The following GASK1B variants were observed in gnomAD, a reference collection of about 807,000 sequenced individuals.
GASK1B encodes the protein golgi associated kinase 1B, also known as Golgi-associated kinase 1B.
In GASK1B, 34 loss-of-function variants were observed where a neutral mutation model predicts 42.8. The observed-to-expected ratio is 0.79, with a 90% CI of 0.60 to 1.06. The LOEUF is 1.06. Ranked by LOEUF, GASK1B falls within the 50% of genes least tolerant of loss-of-function variation. The probability of loss-of-function intolerance (pLI) is 0.00; values close to 1 mark genes in which losing one functional copy is unlikely to be tolerated. For missense variants in GASK1B, 686 were observed against 661.0 expected (o/e 1.04, Z -0.42); for synonymous variants, 262 against 259.1 (o/e 1.01, Z -0.11).
At position 158,170,695 on chromosome 4, in the gene GASK1B, CA is replaced by C. The variant is rs1247505517; in HGVS notation, c.680del (p.Leu227TrpfsTer48). On this transcript the variant is annotated frameshift_variant, in exon 2 of 5. Transcript: ENST00000585682. LOFTEE classifies it high-confidence loss of function. ...GGAGCCCTGCCACTGCGCTGTCCGC[CA>C]AGAGTCGCATTCTTCGGATGTCATC... ...SKDDIRRMRL[L>X]ADSAVAGLRP... is the part of the protein sequence containing the mutation. 1.9e-6 allele frequency: 3 copies of C among 1,614,200 alleles called. No homozygotes were observed. Among genetic ancestry groups the C allele is most frequent in the Non-Finnish European group, 8.5e-7 (1 of 1,180,044 alleles).
chr4:158,151,501 C>T (rs866481152), intron 3 of GASK1B, among the ~76,000 whole-genome samples: 1 of 152,120 alleles, frequency 6.6e-6, no homozygotes, highest in Non-Finnish European at 1.5e-5. Context: ...AAGACTATTC[C>T]TCATACCTCA....
intron 3 of GASK1B, among the ~76,000 whole-genome samples, chr4:158,149,923 CT>C (rs745441423): frequency 3.9e-4 from 26 of 67,178 alleles, no homozygotes; most frequent in African/African-American, 1.2e-3. Flanking sequence ...CTGCATGCTG[CT>C]TTTTTTTTTT....
At position 158,145,305 on chromosome 4, in the gene GASK1B, C is replaced by A. The variant is rs186564991; in HGVS notation, c.1125+10306G>T. ...AATTCATTAGATTCAGGAAATAATTCTTTAGAAGTCAGGTAAGAATTAGGA... is the reference window on the plus strand; with the variant it reads ...AATTCATTAGATTCAGGAAATAATTATTTAGAAGTCAGGTAAGAATTAGGA... On this transcript the variant is annotated intron_variant, in intron 3 of 4. Coordinates refer to ENST00000585682, the MANE Select transcript of GASK1B (RefSeq NM_001128424.2). Among the ~76,000 whole-genome samples, 40 of 152,208 alleles carry A rather than the reference C, an allele frequency of 2.6e-4. No homozygotes were observed. In the East Asian group the frequency reaches 7.2e-3, roughly 27 times the overall value.
intron 3 of GASK1B, among the ~76,000 whole-genome samples, chr4:158,146,291 T>A (rs978605566): frequency 2.0e-5 from 3 of 152,122 alleles, no homozygotes; most frequent in Non-Finnish European, 4.4e-5. Context: ...TCAAAAATAA[T>A]TAAAACTTAA....
chr4:158,132,585 T>C (rs1408728101), intron 3 of GASK1B, among the ~76,000 whole-genome samples: 2 of 152,206 alleles, frequency 1.3e-5, no homozygotes, highest in African/African-American at 4.8e-5. Context: ...AGGACTTTCT[T>C]CTCTGTTTAC....
At chr4:158,136,113 G>C (rs139575131) in intron 3 of GASK1B, among the ~76,000 whole-genome samples, 1 of 152,262 alleles carries the variant, frequency 6.6e-6, no homozygotes, top group Non-Finnish European at 1.5e-5. Context: ...ATCTCATCAT[G>C]AACTGGTATA....
At chr4:158,168,795 TTCA>T (rs1184491331) in intron 2 of GASK1B, 2 of 151,690 alleles carry the variant, frequency 1.3e-5, no homozygotes, top group African/African-American at 4.9e-5. Context: ...TACACAGGAG[TTCA>T]TCTTCTCCTC....
chr4:158,170,920 C>A lies in GASK1B; in HGVS notation c.456G>T (p.Pro152=). The A allele has an allele frequency of 1.9e-6, 3 of 1,614,192 alleles. No individual in the cohort carries two copies. The highest frequency in any genetic ancestry group is 2.5e-6 in the Non-Finnish European group (3 of 1,180,044). ...CATCAGCTTCCCTTGCCGCTTCCTG[C>A]GGCTGAAGGGATGGTCCGACCAAAG... ...QEALVGPSLQ[P]QEAAREADAV... The change falls in exon 2 of 5, where the codon CCG becomes CCT. Residue 152 remains proline, a synonymous_variant. Coordinates refer to ENST00000585682, the MANE Select transcript of GASK1B (RefSeq NM_001128424.2).
intron 1 of GASK1B, chr4:158,172,437 G>A (rs1399258157): frequency 6.6e-6 from 1 of 152,110 alleles, no homozygotes; most frequent in African/African-American, 2.4e-5. Context: ...CATATTTCAT[G>A]GTCAAGAGTG....
chr4:158,167,435 G>A (rs1358521491), intron 2 of GASK1B, among the ~76,000 whole-genome samples: 2 of 152,162 alleles, frequency 1.3e-5, no homozygotes, highest in African/African-American at 4.8e-5. Flanking sequence ...TTCCTTATGA[G>A]ATCCTCCAGG....
chr4:158,131,346 C>T (rs1437284441), intron 3 of GASK1B, among the ~76,000 whole-genome samples: 1 of 152,202 alleles, frequency 6.6e-6, no homozygotes, highest in African/African-American at 2.4e-5. Context: ...GCAGAAGAAA[C>T]ACCATTGTAC....
At chr4:158,142,577 T>C (rs1731178068) in intron 3 of GASK1B, among the ~76,000 whole-genome samples, 1 of 152,208 alleles carries the variant, frequency 6.6e-6, no homozygotes, top group Admixed American at 6.5e-5. Context: ...AACTAATAAA[T>C]GAAGAATCAA....
Position 158,171,028 on chromosome 4 carries a change from G to T in GASK1B, c.348C>A (p.Ser116Arg). ...VVYITLRSKR[S>R]KPANIRGTVK... The stretch of plus-strand genomic sequence containing the variant: ...CGGTGCCACGGATATTGGCCGGCTT[G>T]CTGCGCTTGGAGCGTAGGGTAATGT... The change falls in exon 2 of 5, where the codon AGC becomes AGA. Residue 116 changes from serine (S) to arginine (R), a missense_variant. Coordinates refer to ENST00000585682, the MANE Select transcript of GASK1B (RefSeq NM_001128424.2). The T allele has an allele frequency of 6.2e-7, 1 of 1,613,978 alleles. No individual in the cohort carries two copies. Among genetic ancestry groups the T allele is most frequent in the Non-Finnish European group, 8.5e-7 (1 of 1,179,856 alleles).
intron 3 of GASK1B, among the ~76,000 whole-genome samples, chr4:158,136,938 T>C (rs1359953595): frequency 2.0e-5 from 3 of 152,192 alleles, no homozygotes; most frequent in East Asian, 3.8e-4. Flanking sequence ...CTGCTGAAAG[T>C]TGGCACCCAC....
chr4:158,126,591 C>A lies in GASK1B; in HGVS notation c.*816G>T, dbSNP rs901896234. 6.6e-6 allele frequency: 1 copy of A among 151,922 alleles called. No homozygotes were observed. The highest frequency in any genetic ancestry group is 1.5e-5 in the Non-Finnish European group (1 of 67,954). 9.4% of individuals were successfully genotyped at this position (151,922 alleles called of 1,614,324 possible). On this transcript the variant is annotated 3_prime_UTR_variant, in exon 5 of 5. Transcript: ENST00000585682. ...AAAAGTAACAAAATTTTTAAAGAGA[C>A]ATCCATTTTAAAATGATACTCTGTA...
At chr4:158,146,307 G>A (rs1449813950) in intron 3 of GASK1B, among the ~76,000 whole-genome samples, 3 of 151,926 alleles carry the variant, frequency 2.0e-5, no homozygotes, top group Non-Finnish European at 4.4e-5. Flanking sequence ...CTTAATAGGC[G>A]AAGGCCTATA....
At chr4:158,133,639 G>A (rs1374286695) in intron 3 of GASK1B, among the ~76,000 whole-genome samples, 1 of 152,160 alleles carries the variant, frequency 6.6e-6, no homozygotes, top group Non-Finnish European at 1.5e-5. Context: ...TGAAAAGATT[G>A]ATTTAGGTCA....
At chr4:158,155,900 T>C (rs1731742414) in intron 2 of GASK1B, 75 bp from the exon 3 acceptor site, 2 of 1,173,252 alleles carry the variant, frequency 1.7e-6, no homozygotes, top group Admixed American at 1.9e-5. Context: ...GGTCGTTCAC[T>C]CTTTCACAGT....
At chr4:158,148,812 A>G (rs1165159509) in intron 3 of GASK1B, among the ~76,000 whole-genome samples, 1 of 152,228 alleles carries the variant, frequency 6.6e-6, no homozygotes, top group Non-Finnish European at 1.5e-5. Context: ...TCAAGACCAC[A>G]GACAATAGGC....
Sources: allele counts gnomAD v4.1 joint callset (sites outside exome capture counted in the v4.1 genomes callset), GRCh38; gene constraint gnomAD v4.1.1; transcripts MANE v1.5; gene names NCBI Gene and HGNC (gene_info 2026-07-23, HGNC 2026-07-21).